Variants in CNOT4 observed in about 807,000 individuals in gnomAD.
CNOT4 encodes the protein CCR4-associated factor 4.
A neutral mutation model predicts 73.8 loss-of-function variants in CNOT4; 8 were observed. That is an observed-to-expected ratio of 0.11 (90% CI 0.06 to 0.20). The LOEUF (loss-of-function observed/expected upper bound fraction) is 0.20, where lower values mean the gene tolerates loss of function less well. Among genes scored for constraint, CNOT4 ranks in the 10% least tolerant of loss-of-function variants. CNOT4 has a pLI of 1.00. For missense variants in CNOT4, 564 were observed against 883.4 expected, an observed-to-expected ratio of 0.64 and a Z score of 4.58; for synonymous variants, 293 against 321.1, an observed-to-expected ratio of 0.91 and a Z score of 0.94.
chr7:135,412,874 G>T (rs1797655892), intron 6 of CNOT4, among the ~76,000 whole-genome samples: 1 of 151,854 alleles, frequency 6.6e-6, no homozygotes, highest in African/African-American at 2.4e-5. Context: ...ACTTGTTAAG[G>T]CATGTTTATA....
chr7:135,472,313 T>C (rs1563070394), intron 1 of CNOT4, among the ~76,000 whole-genome samples: 3 of 145,244 alleles, frequency 2.1e-5, no homozygotes, highest in African/African-American at 5.1e-5. Context: ...CCGTCTCTAC[T>C]AAAAATACAA....
intron 2 of CNOT4, among the ~76,000 whole-genome samples, chr7:135,434,648 C>T (rs955087245): frequency 6.6e-6 from 1 of 152,166 alleles, no homozygotes; most frequent in Non-Finnish European, 1.5e-5. Flanking sequence ...ATAAATAACA[C>T]ACTATATGCT....
intron 1 of CNOT4, among the ~76,000 whole-genome samples, chr7:135,457,640 T>C (rs1235411020): frequency 1.3e-5 from 2 of 152,110 alleles, no homozygotes; most frequent in African/African-American, 2.4e-5. Flanking sequence ...CTATTTTACA[T>C]AAAATATCTG....
chr7:135,504,101 C>T (rs1021253533), intron 1 of CNOT4, among the ~76,000 whole-genome samples: 8 of 152,172 alleles, frequency 5.3e-5, no homozygotes, highest in African/African-American at 1.9e-4. Flanking sequence ...AGCACTTCCA[C>T]TCTATTCCAA....
At chr7:135,451,571 G>A (rs1437241834) in intron 1 of CNOT4, among the ~76,000 whole-genome samples, 1 of 152,088 alleles carries the variant, frequency 6.6e-6, no homozygotes, top group African/African-American at 2.4e-5. Context: ...GGAATTACAG[G>A]TATGAGCTAC....
rs1800098535 is a variant in CNOT4 at position 135,450,583 on chromosome 7, G to GC, written c.-92-12161dup. On this transcript the variant is annotated intron_variant, in intron 1 of 11. Coordinates refer to ENST00000541284, the MANE Select transcript of CNOT4 (RefSeq NM_001190850.2). ...TGAATAGGCTGTTCTCAAACTCCTG[G>GC]CCTCAAGTGATCCACCTGCCTCAGC... Among the ~76,000 whole-genome samples the GC allele has an allele frequency of 2.0e-5, 3 of 152,038 alleles. No individual in the cohort carries two copies. In the South Asian group the frequency reaches 6.2e-4, roughly 31 times the overall value.
At chr7:135,495,679 AAAAAAAAAAAAAAAGAAAGAAAGAAAG>A (rs1563083360) in intron 1 of CNOT4, among the ~76,000 whole-genome samples, 4 of 94,612 alleles carry the variant, frequency 4.2e-5, no homozygotes, top group African/African-American at 1.6e-4. Context: ...CAAAAAAAAA[AAAAAAAAAAAAAAAGAAAGAAAGAAAG>A]AAAGAAAGAA....
chr7:135,432,297 A>G (rs1252721841), intron 2 of CNOT4, among the ~76,000 whole-genome samples: 1 of 151,608 alleles, frequency 6.6e-6, no homozygotes, highest in African/African-American at 2.4e-5. Context: ...TCAGCATAGG[A>G]AAAAAAAATA....
chr7:135,424,697 G>A (rs1006177794), intron 2 of CNOT4, among the ~76,000 whole-genome samples: 1 of 152,124 alleles, frequency 6.6e-6, no homozygotes, highest in Non-Finnish European at 1.5e-5. Flanking sequence ...GCTGAGGCAG[G>A]AGAACTGCTT....
intron 10 of CNOT4, among the ~76,000 whole-genome samples, chr7:135,375,317 A>C (rs1795457868): frequency 6.6e-6 from 1 of 152,228 alleles, no homozygotes; most frequent in African/African-American, 2.4e-5. Flanking sequence ...TACATCCAGA[A>C]GTTAACAGAC....
chr7:135,456,894 G>A (rs768136417), intron 1 of CNOT4, among the ~76,000 whole-genome samples: 6 of 151,920 alleles, frequency 3.9e-5, no homozygotes, highest in Non-Finnish European at 8.8e-5. Flanking sequence ...GATAAGGGAG[G>A]ACTACTGTGT....
chr7:135,465,427 C>T (rs1336119379), intron 1 of CNOT4, among the ~76,000 whole-genome samples: 1 of 152,152 alleles, frequency 6.6e-6, no homozygotes. Context: ...GGAATACATT[C>T]CAAGATCTCC....
chr7:135,490,056 C>G (rs1803006062), intron 1 of CNOT4, among the ~76,000 whole-genome samples: 1 of 152,168 alleles, frequency 6.6e-6, no homozygotes, highest in South Asian at 2.1e-4. Context: ...TATATAACTC[C>G]TCTAGAAATC....
intron 10 of CNOT4, among the ~76,000 whole-genome samples, chr7:135,385,308 C>T (rs1796064923): frequency 6.6e-6 from 1 of 152,232 alleles, no homozygotes; most frequent in South Asian, 2.1e-4. Context: ...TCAGCTGGAT[C>T]TCCTTACTGC....
At chr7:135,454,465 G>T (rs112476892) in intron 1 of CNOT4, among the ~76,000 whole-genome samples, 11 of 151,554 alleles carry the variant, frequency 7.3e-5, no homozygotes, top group Non-Finnish European at 7.4e-5. Context: ...ACCAGCCTGG[G>T]CAATATGGCG....
intron 10 of CNOT4, among the ~76,000 whole-genome samples, chr7:135,371,786 T>TA (rs1316953054): frequency 6.6e-6 from 1 of 152,122 alleles, no homozygotes; most frequent in Non-Finnish European, 1.5e-5. Context: ...AATTTGAATA[T>TA]AAAAGATACA....
At position 135,477,076 on chromosome 7, in the gene CNOT4, T is replaced by C. The variant is rs1802039186; in HGVS notation, c.-93+32813A>G. Among the ~76,000 whole-genome samples the C allele has an allele frequency of 1.3e-5, 2 of 152,228 alleles. 1 individual carries two copies. Among genetic ancestry groups the C allele is most frequent in the South Asian group, 4.1e-4 (2 of 4,832 alleles). ...TTAATTTTAGGCCAGATGTTGTGGC[T>C]CACGCCTGCTTTCCTGGCACTTTGG... On this transcript the variant is annotated intron_variant, in intron 1 of 11. Transcript: ENST00000541284.
intron 10 of CNOT4, among the ~76,000 whole-genome samples, chr7:135,369,574 C>A (rs1330638404): frequency 1.3e-5 from 2 of 152,198 alleles, no homozygotes; most frequent in African/African-American, 4.8e-5. Flanking sequence ...TAGTTCAAAA[C>A]CACAGGCTCC....
chr7:135,384,443 C>A, intron 10 of CNOT4: 1 of 434,510 alleles, frequency 2.3e-6, no homozygotes, highest in Non-Finnish European at 4.2e-6. Context: ...CGCCACCACG[C>A]CCAGCTAATT....
Sources: allele counts gnomAD v4.1 joint callset (sites outside exome capture counted in the v4.1 genomes callset), GRCh38; gene constraint gnomAD v4.1.1; transcripts MANE v1.5; gene names NCBI Gene and HGNC (gene_info 2026-07-23, HGNC 2026-07-21).